The following HNF1A variants were observed in gnomAD, a reference collection of about 807,000 sequenced individuals.
The protein encoded by HNF1A is HNF1 homeobox A.
A neutral mutation model predicts 62.2 loss-of-function variants in HNF1A; 21 were observed. The observed-to-expected ratio is 0.34, with a 90% CI of 0.24 to 0.49. The LOEUF is 0.49. HNF1A is among the 20% of genes least tolerant of loss of function. The pLI is 0.99. For missense variants in HNF1A, 687 were observed against 832.3 expected, an observed-to-expected ratio of 0.83 and a Z score of 2.15; for synonymous variants, 374 against 366.8, an observed-to-expected ratio of 1.02 and a Z score of -0.22.
At chr12:120,987,443 C>T (rs1876566619) in intron 1 of HNF1A, among the ~76,000 whole-genome samples, 1 of 140,494 alleles carries the variant, frequency 7.1e-6, no homozygotes, top group Admixed American at 7.7e-5. Context: ...CCACTGCACT[C>T]GAGCCTGGGT....
intron 4 of HNF1A, among the ~76,000 whole-genome samples, chr12:120,995,255 C>A (rs1877043066): frequency 6.6e-6 from 1 of 150,960 alleles, no homozygotes; most frequent in Admixed American, 6.6e-5. Context: ...TCCATCCACT[C>A]CATTCAGCTC....
intron 6 of HNF1A, chr12:120,997,055 T>A: frequency 7.0e-7 from 1 of 1,425,762 alleles, no homozygotes; most frequent in Non-Finnish European, 9.2e-7. Flanking sequence ...AAGTTTTTGT[T>A]TTATGAAGAA....
intron 7 of HNF1A, among the ~76,000 whole-genome samples, chr12:120,998,971 G>A (rs1218711109): frequency 1.3e-5 from 2 of 152,218 alleles, no homozygotes; most frequent in East Asian, 3.8e-4. Context: ...CCCTGCACCT[G>A]CACCTCCCGT....
chr12:120,991,965 A>G (rs563641353), intron 2 of HNF1A, among the ~76,000 whole-genome samples: 2 of 152,364 alleles, frequency 1.3e-5, no homozygotes, highest in African/African-American at 4.8e-5. Context: ...GAGAATAGAG[A>G]TGCAAACTGT....
At position 120,996,154 on chromosome 12, in the gene HNF1A, A is replaced by C; in HGVS notation, c.956-108A>C. 1 of 1,346,662 alleles carries C rather than the reference A, an allele frequency of 7.4e-7. No individual in the cohort carries two copies. The allele number at this position is 1,346,662 out of a possible 1,614,324, so 83.4% of individuals were successfully genotyped here. A position where few individuals can be genotyped will look rare whatever the true frequency, so the allele number is the denominator to read the frequency against. On this transcript the variant is annotated intron_variant, in intron 4 of 9. Coordinates refer to ENST00000257555, the MANE Select transcript of HNF1A (RefSeq NM_000545.8). This position sits in a 1 kb window ranked among gnomAD's most constrained non-coding sequence, Gnocchi z 4.5. ...ATTTGCTGGCTGCATAAAGGCAGACAGGCAGCTGGCCTAAGCAAACCAATG... is the reference window on the plus strand; with the variant it reads ...ATTTGCTGGCTGCATAAAGGCAGACCGGCAGCTGGCCTAAGCAAACCAATG...
chr12:120,978,744 C>A lies in HNF1A; in HGVS notation c.-25C>A, dbSNP rs775511041. On this transcript the variant is annotated 5_prime_UTR_variant, in exon 1 of 10. Coordinates refer to ENST00000257555, the MANE Select transcript of HNF1A (RefSeq NM_000545.8). ...GGCGGCTAGCGTGGTGGACCCGGGC[C>A]GCGTGGCCCTGTGGCAGCCGAGCCA... is the stretch of plus-strand genomic sequence containing the variant. 1 of 1,609,960 alleles carries A rather than the reference C, an allele frequency of 6.2e-7. No individual in the cohort carries two copies. Among genetic ancestry groups the A allele is most frequent in the South Asian group, 1.1e-5 (1 of 90,994 alleles).
intron 2 of HNF1A, among the ~76,000 whole-genome samples, chr12:120,989,599 A>G (rs1268341965): frequency 1.3e-5 from 2 of 152,236 alleles, no homozygotes; most frequent in African/African-American, 4.8e-5. Context: ...TAAGTGGGAA[A>G]GTGGGAGAAA....
intron 9 of HNF1A, among the ~76,000 whole-genome samples, chr12:121,000,056 T>C (rs143442535): frequency 9.2e-5 from 14 of 152,142 alleles, no homozygotes; most frequent in Non-Finnish European, 1.9e-4. Context: ...TTTTGGAAAA[T>C]TGGAAAAATT....
chr12:120,981,389 A>G (rs1362349757), intron 1 of HNF1A, among the ~76,000 whole-genome samples: 4 of 152,086 alleles, frequency 2.6e-5, no homozygotes. Flanking sequence ...TCCCTGAGTG[A>G]CCTTGGGAAA....
chr12:120,992,857 G>C (rs1351644884), intron 2 of HNF1A, among the ~76,000 whole-genome samples: 1 of 152,170 alleles, frequency 6.6e-6, no homozygotes, highest in East Asian at 1.9e-4. Context: ...CACTGAGATG[G>C]TGAGGGCCCT....
intron 7 of HNF1A, 119 bp downstream of exon 7, chr12:120,997,784 G>A (rs2259816): frequency 1.8e-6 from 2 of 1,100,998 alleles, no homozygotes; most frequent in African/African-American, 3.1e-5. Flanking sequence ...GGACAAGTGT[G>A]TTTCCGTGAT....
chr12:120,990,713 G>C (rs1565884609), intron 2 of HNF1A, among the ~76,000 whole-genome samples: 1 of 149,272 alleles, frequency 6.7e-6, no homozygotes, highest in Non-Finnish European at 1.5e-5. Context: ...AGAAAAGAAA[G>C]AAAAAGAACG....
chr12:120,997,699 A>T (rs1201323467), intron 7 of HNF1A, 34 bp downstream of exon 7: 2 of 1,587,892 alleles, frequency 1.3e-6, no homozygotes, highest in South Asian at 1.1e-5. Flanking sequence ...GCAGGAGATG[A>T]TGATAGAGGT....
chr12:120,995,501 C>T (rs1877053920), intron 4 of HNF1A, among the ~76,000 whole-genome samples: 2 of 152,010 alleles, frequency 1.3e-5, no homozygotes, highest in Admixed American at 6.6e-5. Flanking sequence ...CACATTTCAT[C>T]CATTCCACTC....
At chr12:120,985,414 G>A (rs915311613) in intron 1 of HNF1A, among the ~76,000 whole-genome samples, 1 of 151,214 alleles carries the variant, frequency 6.6e-6, no homozygotes, top group African/African-American at 2.4e-5. Flanking sequence ...TATATGCCAA[G>A]GTGGGAGGAT....
intron 1 of HNF1A, among the ~76,000 whole-genome samples, chr12:120,987,565 A>C (rs1197092356): frequency 7.3e-5 from 11 of 150,154 alleles, no homozygotes; most frequent in African/African-American, 2.7e-4. Context: ...CCAAGGGTGC[A>C]GATTTTCAGG....
At position 121,001,145 on chromosome 12, in the gene HNF1A, G is replaced by A. The variant is rs146855738; in HGVS notation, c.1849G>A (p.Val617Ile). The A allele has an allele frequency of 3.7e-5, 59 of 1,613,968 alleles. No individual in the cohort carries two copies. The highest frequency in any genetic ancestry group is 4.3e-5 in the Non-Finnish European group (51 of 1,180,016). ...CCACCTGCTGCCATCCAACCACAGC[G>A]TCATCGAGACCTTCATCTCCACCCA... ...QSHLLPSNHS[V>I]IETFISTQMA... Residue 617 changes from valine (V) to isoleucine (I), a missense_variant, in exon 10 of 10, where the codon GTC becomes ATC. Around this residue, in one of 5 missense-constraint regions of HNF1A, gnomAD observed 408 missense variants for 455.3 expected, o/e 0.90. Coordinates refer to ENST00000257555, the MANE Select transcript of HNF1A (RefSeq NM_000545.8).
intron 1 of HNF1A, among the ~76,000 whole-genome samples, chr12:120,986,744 T>C (rs1046313071): frequency 3.3e-5 from 5 of 152,186 alleles, no homozygotes; most frequent in Admixed American, 6.5e-5. Flanking sequence ...AATATCTGAC[T>C]TATTTTTTAT....
chr12:120,990,626 GAGGAAAGAT>G (rs148014719), intron 2 of HNF1A, among the ~76,000 whole-genome samples: 5,290 of 146,630 alleles, frequency 0.036, 114 homozygotes, highest in South Asian at 0.079. Context: ...ATAGGAAAGG[GAGGAAAGAT>G]AGGAAAGGGA....
Sources: gnomAD v4.1 joint callset for allele counts (sites outside exome capture counted in the v4.1 genomes callset) on GRCh38, gnomAD v4.1.1 for gene constraint, gnomAD v4.1.1 regional missense constraint, Gnocchi (gnomAD v3.1) non-coding constraint, MANE v1.5 for transcripts, NCBI Gene and HGNC (gene_info 2026-07-23, HGNC 2026-07-21) for gene names.